The following LIN52 variants were observed in gnomAD, a reference collection of about 807,000 sequenced individuals.
LIN52 encodes protein lin-52 homolog.
Under a neutral mutation model 18.5 loss-of-function variants are expected in LIN52, and 4 were observed. That is an observed-to-expected ratio of 0.22 (90% CI 0.11 to 0.49). LIN52 has a LOEUF of 0.49. Ranked by LOEUF, LIN52 falls within the 20% of genes least tolerant of loss-of-function variation. LIN52 has a pLI of 0.97. For missense variants in LIN52, 102 were observed against 139.5 expected, an observed-to-expected ratio of 0.73 and a Z score of 1.35; for synonymous variants, 34 against 45.5, an observed-to-expected ratio of 0.75 and a Z score of 1.02.
At chr14:74,156,363 A>G (rs112650985) in intron 5 of LIN52, among the ~76,000 whole-genome samples, 10 of 152,264 alleles carry the variant, frequency 6.6e-5, no homozygotes, top group African/African-American at 1.7e-4. Flanking sequence ...ACCCTTTCCT[A>G]TAGTCAGTCT....
At chr14:74,137,116 C>T (rs2061101748) in intron 5 of LIN52, among the ~76,000 whole-genome samples, 1 of 149,596 alleles carries the variant, frequency 6.7e-6, no homozygotes, top group South Asian at 2.1e-4. Context: ...TTTTGATCAC[C>T]CAGCAAACCC....
chr14:74,116,591 A>G (rs2060966129), intron 5 of LIN52, among the ~76,000 whole-genome samples: 1 of 151,966 alleles, frequency 6.6e-6, no homozygotes, highest in Non-Finnish European at 1.5e-5. Flanking sequence ...CTGTAATCCC[A>G]GCTACTCTGG....
At chr14:74,198,661 T>C (rs1319744384) in intron 5 of LIN52, among the ~76,000 whole-genome samples, 1 of 152,200 alleles carries the variant, frequency 6.6e-6, no homozygotes, top group East Asian at 1.9e-4. Context: ...TGGTGATTTG[T>C]TTAAAGGTGG....
rs1010093787 is a variant in LIN52 at position 74,200,823 on chromosome 14, G to GCGC, written c.*1847_*1849dup. The GCGC allele has an allele frequency of 6.6e-6, 1 of 151,836 alleles. No individual in the cohort carries two copies. Among genetic ancestry groups the GCGC allele is most frequent in the Non-Finnish European group, 1.5e-5 (1 of 67,918 alleles). The allele number at this position is 151,836 out of a possible 1,614,324, so 9.4% of individuals were successfully genotyped here. ...TTGAAGAGTGTGTGTGTGTGTGTGC[G>GCGC]CGCGCGCATGTGGCCAAAAAATAGT... On this transcript the variant is annotated 3_prime_UTR_variant, in exon 6 of 6. Transcript: ENST00000555028.
At chr14:74,094,892 T>A (rs1418310501) in intron 2 of LIN52, among the ~76,000 whole-genome samples, 1 of 151,946 alleles carries the variant, frequency 6.6e-6, no homozygotes, top group Non-Finnish European at 1.5e-5. Flanking sequence ...CACACCCAGC[T>A]AATCTTTTGT....
chr14:74,189,452 C>A (rs1277899844), intron 5 of LIN52, among the ~76,000 whole-genome samples: 1 of 152,104 alleles, frequency 6.6e-6, no homozygotes, highest in East Asian at 1.9e-4. Flanking sequence ...CCTGTCAGGT[C>A]CTCAGAAAAG....
intron 5 of LIN52, among the ~76,000 whole-genome samples, chr14:74,150,373 A>G (rs1031736427): frequency 6.6e-6 from 1 of 152,242 alleles, no homozygotes; most frequent in African/African-American, 2.4e-5. Context: ...GCTACATGCA[A>G]CAACATGAAT....
At chr14:74,136,685 C>T (rs7157836) in intron 5 of LIN52, among the ~76,000 whole-genome samples, 26,256 of 152,108 alleles carry the variant, frequency 0.17, 2,772 homozygotes, top group East Asian at 0.58. Context: ...TGTGTATCTA[C>T]TGTTCTTTGA....
intron 5 of LIN52, among the ~76,000 whole-genome samples, chr14:74,101,544 C>T (rs1179218060): frequency 5.3e-5 from 8 of 150,754 alleles, no homozygotes; most frequent in South Asian, 2.1e-4. Flanking sequence ...CTGCAAGCTC[C>T]GCCTCCCGGG....
intron 5 of LIN52, among the ~76,000 whole-genome samples, chr14:74,124,921 A>C (rs375521627): frequency 2.0e-4 from 31 of 152,082 alleles, no homozygotes; most frequent in African/African-American, 7.2e-4. Flanking sequence ...GGTAAGTTGA[A>C]CTTCATTAAA....
intron 5 of LIN52, among the ~76,000 whole-genome samples, chr14:74,132,602 C>T (rs980663199): frequency 6.6e-6 from 1 of 152,132 alleles, no homozygotes; most frequent in Non-Finnish European, 1.5e-5. Flanking sequence ...TCCGCCTCCC[C>T]GGCTTAAGCA....
intron 5 of LIN52, among the ~76,000 whole-genome samples, chr14:74,154,820 A>C (rs1280391067): frequency 6.6e-6 from 1 of 152,122 alleles, no homozygotes; most frequent in Non-Finnish European, 1.5e-5. Context: ...GTATTATTTT[A>C]GTGGCTTTGG....
At chr14:74,089,248 G>T (rs1472768908) in intron 1 of LIN52, among the ~76,000 whole-genome samples, 1 of 152,148 alleles carries the variant, frequency 6.6e-6, no homozygotes, top group African/African-American at 2.4e-5. Context: ...AAGAATGCAT[G>T]AAGGATGACA....
Position 74,152,506 on chromosome 14 carries a change from G to A in LIN52, c.284-46416G>A, listed in dbSNP as rs146912259. Among the ~76,000 whole-genome samples the A allele has an allele frequency of 6.2e-3, 942 of 152,194 alleles. 10 individuals carry two copies. The highest frequency in any genetic ancestry group is 0.022 in the African/African-American group (899 of 41,508). Reference sequence around the variant, plus strand: ...CTAAAGCCTCACAACAGCCCTGTAAGTTGGAACATTGTCGCCATTTTACAG... The same window carrying A: ...CTAAAGCCTCACAACAGCCCTGTAAATTGGAACATTGTCGCCATTTTACAG... On this transcript the variant is annotated intron_variant, in intron 5 of 5. Coordinates refer to ENST00000555028, the MANE Select transcript of LIN52 (RefSeq NM_001024674.3).
At chr14:74,193,535 A>G (rs1469679283) in intron 5 of LIN52, among the ~76,000 whole-genome samples, 1 of 152,218 alleles carries the variant, frequency 6.6e-6, no homozygotes, top group Non-Finnish European at 1.5e-5. Flanking sequence ...CATGTAGGGC[A>G]ATATGTCTTT....
intron 2 of LIN52, among the ~76,000 whole-genome samples, chr14:74,094,287 G>T (rs1250326036): frequency 2.0e-5 from 3 of 150,694 alleles, no homozygotes; most frequent in Non-Finnish European, 2.9e-5. Context: ...TTGAGCAAGG[G>T]TCTCACTCTG....
chr14:74,187,426 A>AT (rs996571432), intron 5 of LIN52, among the ~76,000 whole-genome samples: 114 of 152,264 alleles, frequency 7.5e-4, no homozygotes, highest in African/African-American at 2.7e-3. Context: ...GCTCTTGTTT[A>AT]TCACTGGATT....
At chr14:74,145,573 A>G (rs370405960) in intron 5 of LIN52, among the ~76,000 whole-genome samples, 5 of 152,220 alleles carry the variant, frequency 3.3e-5, no homozygotes, top group South Asian at 2.1e-4. Flanking sequence ...TTTGATGACA[A>G]TGAAAGTGTG....
chr14:74,192,355 G>A (rs908583938), intron 5 of LIN52, among the ~76,000 whole-genome samples: 13 of 152,116 alleles, frequency 8.5e-5, no homozygotes, highest in African/African-American at 2.6e-4. Context: ...GCATGATCTC[G>A]GCTCACTGCA....
Sources: allele counts gnomAD v4.1 joint callset (sites outside exome capture counted in the v4.1 genomes callset), GRCh38; gene constraint gnomAD v4.1.1; transcripts MANE v1.5; gene names NCBI Gene and HGNC (gene_info 2026-07-23, HGNC 2026-07-21).